Variants in CDH8 observed in about 807,000 individuals in gnomAD.
The protein encoded by CDH8 is cadherin-8.
In CDH8, 17 loss-of-function variants were observed where a neutral mutation model predicts 68.1. That is an observed-to-expected ratio of 0.25 (90% CI 0.17 to 0.37). The LOEUF is 0.37. Among genes scored for constraint, CDH8 ranks in the 10% least tolerant of loss-of-function variants. The pLI is 1.00. For missense variants in CDH8, 763 were observed against 999.3 expected (o/e 0.76, Z 3.19); for synonymous variants, 372 against 365.1 (o/e 1.02, Z -0.21).
chr16:61,917,558 T>C (rs904695180), intron 2 of CDH8, among the ~76,000 whole-genome samples: 1 of 152,186 alleles, frequency 6.6e-6, no homozygotes, highest in Non-Finnish European at 1.5e-5. Context: ...GCAGCATTAC[T>C]GAGCCTTGGA....
chr16:61,798,439 G>A (rs990929968), intron 7 of CDH8, among the ~76,000 whole-genome samples: 1 of 152,100 alleles, frequency 6.6e-6, no homozygotes, highest in Non-Finnish European at 1.5e-5. Flanking sequence ...TATCCAGTAT[G>A]GTAACCACTA....
At chr16:62,004,312 C>G (rs1194291900) in intron 2 of CDH8, among the ~76,000 whole-genome samples, 1 of 152,132 alleles carries the variant, frequency 6.6e-6, no homozygotes, top group Non-Finnish European at 1.5e-5. Context: ...ATGATACAAG[C>G]TGAGTATGGG....
intron 10 of CDH8, among the ~76,000 whole-genome samples, chr16:61,672,686 C>T (rs1963822110): frequency 6.6e-6 from 1 of 151,850 alleles, no homozygotes; most frequent in Admixed American, 6.6e-5. Flanking sequence ...CACTTTCATA[C>T]TTTATAATAA....
At chr16:61,691,464 C>T (rs1964221500) in intron 10 of CDH8, among the ~76,000 whole-genome samples, 2 of 151,814 alleles carry the variant, frequency 1.3e-5, no homozygotes, top group African/African-American at 4.8e-5. Flanking sequence ...TCTCAATCTC[C>T]TAAAATTCTT....
intron 3 of CDH8, among the ~76,000 whole-genome samples, chr16:61,892,488 T>C (rs141350154): frequency 6.6e-6 from 1 of 152,332 alleles, no homozygotes; most frequent in Non-Finnish European, 1.5e-5. Flanking sequence ...GCAGTTTCAC[T>C]TTCTTTAATT....
intron 6 of CDH8, among the ~76,000 whole-genome samples, chr16:61,819,752 A>G (rs1441177458): frequency 6.6e-6 from 1 of 152,152 alleles, no homozygotes; most frequent in Non-Finnish European, 1.5e-5. Context: ...AGATTCAGAT[A>G]TGACCTTACA....
At chr16:61,934,433 T>C (rs12448161) in intron 2 of CDH8, among the ~76,000 whole-genome samples, 17,171 of 152,066 alleles carry the variant, frequency 0.11, 1,272 homozygotes, top group East Asian at 0.3. Flanking sequence ...GTAAAGATTG[T>C]GGAGGGACAG....
At chr16:62,018,867 C>T (rs1902005740) in intron 2 of CDH8, among the ~76,000 whole-genome samples, 1 of 152,168 alleles carries the variant, frequency 6.6e-6, no homozygotes, top group Admixed American at 6.5e-5. Flanking sequence ...GTCAATAAGT[C>T]ACAAGAAGAT....
At chr16:61,661,679 C>T (rs940298632) in intron 10 of CDH8, among the ~76,000 whole-genome samples, 2 of 151,162 alleles carry the variant, frequency 1.3e-5, no homozygotes, top group African/African-American at 2.4e-5. Flanking sequence ...TCACCATCAG[C>T]CATATAAAAA....
chr16:61,874,090 C>A (rs1477441139), intron 3 of CDH8, among the ~76,000 whole-genome samples: 3 of 152,018 alleles, frequency 2.0e-5, no homozygotes, highest in Non-Finnish European at 2.9e-5. Flanking sequence ...CTATGATGTC[C>A]TGTGGTGCCA....
intron 10 of CDH8, among the ~76,000 whole-genome samples, chr16:61,672,455 G>A (rs1405316831): frequency 2.0e-5 from 3 of 151,894 alleles, no homozygotes; most frequent in Non-Finnish European, 4.4e-5. Flanking sequence ...CAGATATTTT[G>A]ACTGTGTTCA....
At chr16:61,904,678 T>C (rs1187212718) in intron 2 of CDH8, among the ~76,000 whole-genome samples, 1 of 152,258 alleles carries the variant, frequency 6.6e-6, no homozygotes, top group African/African-American at 2.4e-5. Flanking sequence ...CTACCTTTTA[T>C]GGGTCACTAT....
At chr16:61,720,444 A>G (rs1959208597) in intron 9 of CDH8, among the ~76,000 whole-genome samples, 1 of 150,988 alleles carries the variant, frequency 6.6e-6, no homozygotes, top group Non-Finnish European at 1.5e-5. Flanking sequence ...CAATAAAAAT[A>G]TATCAGTCCG....
At chr16:61,759,678 C>G (rs999728033) in intron 8 of CDH8, among the ~76,000 whole-genome samples, 8 of 152,084 alleles carry the variant, frequency 5.3e-5, no homozygotes, top group Non-Finnish European at 1.2e-4. Flanking sequence ...TTCTATTCCC[C>G]CATTGTATAC....
chr16:61,755,828 G>A (rs1960300633), intron 8 of CDH8, among the ~76,000 whole-genome samples: 2 of 150,832 alleles, frequency 1.3e-5, no homozygotes, highest in South Asian at 4.2e-4. Flanking sequence ...TTTTTTTGGT[G>A]GTGGGGACAG....
intron 2 of CDH8, among the ~76,000 whole-genome samples, chr16:62,020,422 CA>C (rs955353984): frequency 2.6e-5 from 4 of 152,072 alleles, no homozygotes; most frequent in African/African-American, 9.7e-5. Context: ...CCCATGTCTA[CA>C]CAAAGAACAT....
At chr16:61,701,611 T>C (rs899851791) in intron 10 of CDH8, among the ~76,000 whole-genome samples, 2 of 152,218 alleles carry the variant, frequency 1.3e-5, no homozygotes, top group African/African-American at 4.8e-5. Flanking sequence ...AAATTTCCAG[T>C]ATTATTCACT....
chr16:61,822,223 T>TGGC, intron 5 of CDH8, among the ~76,000 whole-genome samples: 3 of 119,446 alleles, frequency 2.5e-5, no homozygotes, highest in African/African-American at 1.0e-4. Flanking sequence ...TTTTTTTTTT[T>TGGC]TTTTTTTTTT....
At chr16:61,799,091 A>T (rs908043581) in intron 7 of CDH8, among the ~76,000 whole-genome samples, 3 of 152,114 alleles carry the variant, frequency 2.0e-5, no homozygotes, top group African/African-American at 7.2e-5. Context: ...GCTTACCCCC[A>T]GGACACAAGA....
Sources: gnomAD v4.1 joint callset for allele counts (sites outside exome capture counted in the v4.1 genomes callset) on GRCh38, gnomAD v4.1.1 for gene constraint, MANE v1.5 for transcripts, NCBI Gene and HGNC (gene_info 2026-07-23, HGNC 2026-07-21) for gene names.